The following AFF4 variants were observed in gnomAD, a reference collection of about 807,000 sequenced individuals.
AFF4 encodes the protein AF4/FMR2 family member 4.
AFF4 carries 13 observed loss-of-function variants against 124.8 expected under a neutral mutation model. The ratio of observed to expected loss-of-function variants is 0.10; its 90% CI spans 0.07 to 0.17. AFF4 has a LOEUF of 0.17. AFF4 is among the 10% of genes least tolerant of loss of function. The probability of loss-of-function intolerance (pLI) is 1.00; values close to 1 mark genes in which losing one functional copy is unlikely to be tolerated. For missense variants in AFF4, 1,092 were observed against 1,403.8 expected, an observed-to-expected ratio of 0.78 and a Z score of 3.55; for synonymous variants, 477 against 496.1, an observed-to-expected ratio of 0.96 and a Z score of 0.51.
At chr5:132,910,487 T>C (rs916533154) in intron 5 of AFF4, among the ~76,000 whole-genome samples, 1 of 152,182 alleles carries the variant, frequency 6.6e-6, no homozygotes, top group East Asian at 1.9e-4. Flanking sequence ...AACAACTTTC[T>C]CCCTTCTCTG....
At chr5:132,927,834 A>C (rs899550171) in intron 4 of AFF4, among the ~76,000 whole-genome samples, 1 of 152,214 alleles carries the variant, frequency 6.6e-6, no homozygotes, top group Admixed American at 6.5e-5. Flanking sequence ...TTTCAAAAGC[A>C]CATGAGGAGG....
intron 5 of AFF4, among the ~76,000 whole-genome samples, chr5:132,921,059 G>A (rs948107060): frequency 2.0e-5 from 3 of 151,540 alleles, no homozygotes; most frequent in East Asian, 2.0e-4. Flanking sequence ...CTCGGGAGGC[G>A]GAGCTTGCAG....
At chr5:132,924,174 A>C (rs1242439750) in intron 5 of AFF4, among the ~76,000 whole-genome samples, 4 of 152,102 alleles carry the variant, frequency 2.6e-5, no homozygotes, top group Non-Finnish European at 5.9e-5. Flanking sequence ...GAATCGCTTG[A>C]ACCCAGGAGG....
At chr5:132,884,475 T>G (rs1760065423) in intron 19 of AFF4, among the ~76,000 whole-genome samples, 1 of 152,096 alleles carries the variant, frequency 6.6e-6, no homozygotes, top group South Asian at 2.1e-4. Flanking sequence ...CTCCTGACCT[T>G]GTGATCTGCC....
Position 132,904,406 on chromosome 5 carries a change from TAAG to T in AFF4, c.1051-5_1051-3del, listed in dbSNP as rs767179390. 2.5e-6 allele frequency: 4 copies of T among 1,606,296 alleles called. 1 individual carries two copies. In the South Asian group the frequency reaches 4.4e-5, roughly 18 times the overall value. ...GCCAAAATTGGACTGCTGAGACTCC[TAAG>T]AAAAAGGAACATAAAATTATACAAA... On this transcript the variant is annotated splice_region_variant and splice_polypyrimidine_tract_variant and intron_variant, in intron 5 of 20. Coordinates refer to ENST00000265343, the MANE Select transcript of AFF4 (RefSeq NM_014423.4).
At chr5:132,907,622 A>G (rs1411176019) in intron 5 of AFF4, among the ~76,000 whole-genome samples, 51 of 152,104 alleles carry the variant, frequency 3.4e-4, no homozygotes, top group Admixed American at 3.3e-3. Context: ...GCATGTGTGC[A>G]TATGTGTGTG....
chr5:132,937,348 T>G (rs969755953), intron 1 of AFF4, among the ~76,000 whole-genome samples, 155 bp from the exon 2 acceptor site: 1 of 152,146 alleles, frequency 6.6e-6, no homozygotes, highest in African/African-American at 2.4e-5. Flanking sequence ...TTGGTAATGG[T>G]TTTATCAACA....
intron 1 of AFF4, 95 bp downstream of exon 1, chr5:132,963,164 C>A (rs1297451212): frequency 8.0e-6 from 3 of 375,090 alleles, no homozygotes; most frequent in African/African-American, 2.1e-5. Flanking sequence ...CCCCGAGGCT[C>A]CCCGCAGAAC....
intron 2 of AFF4, among the ~76,000 whole-genome samples, chr5:132,935,822 C>G (rs1330409727): frequency 6.6e-6 from 1 of 151,194 alleles, no homozygotes; most frequent in Non-Finnish European, 1.5e-5. Flanking sequence ...ACTCGAGAGG[C>G]TGAGGCAGGA....
intron 1 of AFF4, among the ~76,000 whole-genome samples, chr5:132,958,201 G>A (rs1241179826): frequency 6.6e-6 from 1 of 151,682 alleles, no homozygotes; most frequent in Non-Finnish European, 1.5e-5. Context: ...TACATTTTTC[G>A]TGATGTTACT....
At chr5:132,900,928 C>A in intron 7 of AFF4, 1 of 984,842 alleles carries the variant, frequency 1.0e-6, no homozygotes, top group Non-Finnish European at 1.2e-6. Flanking sequence ...TTCTTTCACT[C>A]TATTAACTAC....
intron 5 of AFF4, 100 bp downstream of exon 5, chr5:132,927,021 C>T: frequency 1.1e-6 from 1 of 900,416 alleles, no homozygotes. Context: ...GTCTGTCTCC[C>T]ACTAGAATAG....
In AFF4 at chr5:132,883,336, C is replaced by G; in HGVS notation, c.3364+4G>C. On this transcript the variant is annotated splice_donor_region_variant and intron_variant, in intron 20 of 20. Coordinates refer to ENST00000265343, the MANE Select transcript of AFF4 (RefSeq NM_014423.4). ...CCTTGAAGTTTATCCAGAAACCTACCTACCTTTTTGCTCTTTGGAAAGCTG... is the reference window on the plus strand; with the variant it reads ...CCTTGAAGTTTATCCAGAAACCTACGTACCTTTTTGCTCTTTGGAAAGCTG... 6.2e-7 allele frequency: 1 copy of G among 1,613,534 alleles called. No individual in the cohort carries two copies. The highest frequency in any genetic ancestry group is 8.5e-7 in the Non-Finnish European group (1 of 1,179,676).
intron 4 of AFF4, among the ~76,000 whole-genome samples, chr5:132,931,152 A>C (rs1019587571): frequency 4.0e-5 from 6 of 149,816 alleles, no homozygotes; most frequent in African/African-American, 1.5e-4. Context: ...GCAGTGGCTC[A>C]GGCTATAATC....
intron 6 of AFF4, among the ~76,000 whole-genome samples, chr5:132,903,325 ATTC>A (rs1322146625): frequency 2.0e-5 from 3 of 152,236 alleles, no homozygotes; most frequent in Admixed American, 6.5e-5. Flanking sequence ...CAAAAGAGGT[ATTC>A]TTCTAGTTTT....
In AFF4 at chr5:132,883,356, A is replaced by G; in HGVS notation, c.3348T>C (p.Leu1116=). Residue 1116 remains leucine, a synonymous_variant, in exon 20 of 21, where the codon CTT becomes CTC. Coordinates refer to ENST00000265343, the MANE Select transcript of AFF4 (RefSeq NM_014423.4). The part of the protein sequence containing the change: ...ATEIWDQAEQ[L]SKEQKEFFAE... ...CCTACCTACCTTTTTGCTCTTTGGA[A>G]AGCTGTTCAGCTTGGTCCCAAATTT... is the stretch of plus-strand genomic sequence containing the variant. 1 of 1,613,974 alleles carries G rather than the reference A, an allele frequency of 6.2e-7. No individual in the cohort carries two copies. The highest frequency in any genetic ancestry group is 1.6e-4 in the Middle Eastern group (1 of 6,062).
chr5:132,956,325 T>C (rs1581340825), intron 1 of AFF4, among the ~76,000 whole-genome samples: 2 of 152,270 alleles, frequency 1.3e-5, no homozygotes, highest in East Asian at 1.9e-4. Context: ...ACTTTATTTA[T>C]GGACATTGAA....
Position 132,934,583 on chromosome 5 carries a change from C to T in AFF4, c.482G>A (p.Ser161Asn). 6.2e-7 allele frequency: 1 copy of T among 1,614,178 alleles called. No homozygotes were observed. The highest frequency in any genetic ancestry group is 2.2e-5 in the East Asian group (1 of 44,890). ...HDRESYNNSG[S>N]SSRKKGQHGS... is the part of the protein sequence containing the mutation. ...ATGCTGGCCTTTTTTCCGGCTACTG[C>T]TCCCACTATTGTTATATGACTCACG... is the stretch of plus-strand genomic sequence containing the variant. The change falls in exon 3 of 21, where the codon AGC becomes AAC. Residue 161 changes from serine to asparagine, a missense_variant. Ser to Asn is a conservative substitution (Grantham distance 46). Transcript: ENST00000265343.
intron 4 of AFF4, among the ~76,000 whole-genome samples, chr5:132,930,863 T>C (rs1661178375): frequency 1.3e-5 from 2 of 150,716 alleles, no homozygotes; most frequent in African/African-American, 2.4e-5. Context: ...TCCCAGCACT[T>C]TGGGAGGCCA....
Sources: allele counts gnomAD v4.1 joint callset (sites outside exome capture counted in the v4.1 genomes callset), GRCh38; gene constraint gnomAD v4.1.1; transcripts MANE v1.5; gene names NCBI Gene and HGNC (gene_info 2026-07-23, HGNC 2026-07-21).